The following HEATR5B variants were observed in gnomAD, a reference collection of about 807,000 sequenced individuals.
HEATR5B encodes HEAT repeat containing 5B, also known as HEAT repeat-containing protein 5B.
A neutral mutation model predicts 224.1 loss-of-function variants in HEATR5B; 156 were observed. The ratio of observed to expected loss-of-function variants is 0.70; its 90% CI spans 0.61 to 0.80. The LOEUF (loss-of-function observed/expected upper bound fraction) is 0.80, where lower values mean the gene tolerates loss of function less well. HEATR5B is among the 30% of genes least tolerant of loss of function. The pLI is 0.00. For missense variants in HEATR5B, 2,323 were observed against 2,535.5 expected (o/e 0.92, Z 1.80); for synonymous variants, 1,027 against 893.0 (o/e 1.15, Z -2.68).
In HEATR5B at chr2:37,068,795, G is replaced by A. The variant is rs756860662; in HGVS notation, c.1063C>T (p.Arg355Ter). The A allele has an allele frequency of 9.9e-6, 16 of 1,614,056 alleles. No homozygotes were observed. The highest frequency in any genetic ancestry group is 1.3e-5 in the Non-Finnish European group (15 of 1,179,996). The change falls in exon 8 of 36, where the codon CGA (arginine) becomes TGA (stop). Residue 355 changes from arginine (R) to a stop codon, truncating the protein, a stop_gained. Coordinates refer to ENST00000233099, the MANE Select transcript of HEATR5B (RefSeq NM_019024.3). LOFTEE classifies it high-confidence loss of function. ...GCTCTTAGGATAAAGGAAACACATCGTCTGGAGTACACAGCCTCCACATGT... is the reference window on the plus strand; with the variant it reads ...GCTCTTAGGATAAAGGAAACACATCATCTGGAGTACACAGCCTCCACATGT... ...QTHVEAVYSR[R>*]CVSFILRATV...
intron 18 of HEATR5B, among the ~76,000 whole-genome samples, chr2:37,044,839 T>C (rs187565015): frequency 6.6e-6 from 1 of 152,336 alleles, no homozygotes; most frequent in Admixed American, 6.5e-5. Context: ...TTAATTCCAG[T>C]CCTTTTTCTC....
At chr2:36,995,087 GTTT>G (rs775120824) in intron 33 of HEATR5B, among the ~76,000 whole-genome samples, 1 of 104,128 alleles carries the variant, frequency 9.6e-6, no homozygotes, top group Admixed American at 1.0e-4. Context: ...GTTATTCCTT[GTTT>G]TTTTTTTTTT....
chr2:37,048,655 T>C, intron 18 of HEATR5B, among the ~76,000 whole-genome samples: 1 of 152,200 alleles, frequency 6.6e-6, no homozygotes, highest in East Asian at 1.9e-4. Flanking sequence ...AGCTATTTCA[T>C]AATCAATGGC....
At chr2:37,055,469 A>G (rs1468917163) in intron 16 of HEATR5B, among the ~76,000 whole-genome samples, 1 of 152,206 alleles carries the variant, frequency 6.6e-6, no homozygotes, top group Non-Finnish European at 1.5e-5. Flanking sequence ...AAATGTTGAA[A>G]TAGATGCTTT....
chr2:37,028,760 T>G lies in HEATR5B; in HGVS notation c.3522A>C (p.Gly1174=). The change falls in exon 23 of 36, where the codon GGA becomes GGC. Residue 1174 remains glycine (G), a synonymous_variant. Coordinates refer to ENST00000233099, the MANE Select transcript of HEATR5B (RefSeq NM_019024.3). The part of the protein sequence containing the change: ...KLCSDIHDTL[G]HMLSSLAVEK... ...CTACTGCCAGCGAAGAAAGCATATG[T>G]CCCAAAGTGTCATGAATATCAGAAC... is the stretch of plus-strand genomic sequence containing the variant. The G allele has an allele frequency of 6.2e-7, 1 of 1,614,000 alleles. No homozygotes were observed. Among genetic ancestry groups the G allele is most frequent in the South Asian group, 1.1e-5 (1 of 91,080 alleles).
chr2:37,057,750 T>G (rs1671003248), intron 14 of HEATR5B, among the ~76,000 whole-genome samples: 1 of 152,100 alleles, frequency 6.6e-6, no homozygotes, highest in Admixed American at 6.6e-5. Flanking sequence ...ATAGCATGCT[T>G]GTAGTCCCAG....
Position 36,992,070 on chromosome 2 carries a change from C to T in HEATR5B, c.5546-1271G>A, listed in dbSNP as rs148774485. On this transcript the variant is annotated intron_variant, in intron 33 of 35. Transcript: ENST00000233099. ...AAAATTAGCTGGGCATGGTGGCACA[C>T]GCCTGTAATCCCAGCTATTTGGGAG... Among the ~76,000 whole-genome samples, 124 of 152,106 alleles carry T rather than the reference C, an allele frequency of 8.2e-4. 1 individual carries two copies. In the East Asian group the frequency reaches 0.022, roughly 27 times the overall value.
chr2:37,083,269 A>G lies in HEATR5B; in HGVS notation c.126+20T>C. ...ATCTCTTCACGTTAATGCAACTGGG[A>G]AAAAAGAGCAATACCATACCTTGTT... On this transcript the variant is annotated intron_variant, in intron 2 of 35. Coordinates refer to ENST00000233099, the MANE Select transcript of HEATR5B (RefSeq NM_019024.3). The G allele has an allele frequency of 6.2e-7, 1 of 1,612,988 alleles. No individual in the cohort carries two copies. Among genetic ancestry groups the G allele is most frequent in the Non-Finnish European group, 8.5e-7 (1 of 1,179,104 alleles).
At chr2:37,055,146 G>C (rs768304343) in intron 16 of HEATR5B, 5 of 384,598 alleles carry the variant, frequency 1.3e-5, no homozygotes, top group South Asian at 6.2e-5. Context: ...GAAAACCAAA[G>C]TAGGATCACT....
At chr2:37,035,187 C>T (rs1341059942) in intron 21 of HEATR5B, among the ~76,000 whole-genome samples, 2 of 152,204 alleles carry the variant, frequency 1.3e-5, no homozygotes, top group African/African-American at 2.4e-5. Flanking sequence ...AAACAAACCA[C>T]TTTACAAAGT....
intron 33 of HEATR5B, among the ~76,000 whole-genome samples, chr2:36,994,024 T>C (rs1666520553): frequency 6.6e-6 from 1 of 152,128 alleles, no homozygotes; most frequent in Non-Finnish European, 1.5e-5. Flanking sequence ...TAGTGCCAAA[T>C]TTGGTAATTC....
At chr2:37,068,511 T>G (rs937031103) in intron 8 of HEATR5B, among the ~76,000 whole-genome samples, 170 bp downstream of exon 8, 1 of 152,162 alleles carries the variant, frequency 6.6e-6, no homozygotes, top group East Asian at 1.9e-4. Context: ...TTAAAAACTC[T>G]ATTTCACTGT....
chr2:37,023,121 G>GAA (rs143424995), intron 24 of HEATR5B, among the ~76,000 whole-genome samples: 1 of 151,474 alleles, frequency 6.6e-6, no homozygotes, highest in Non-Finnish European at 1.5e-5. Flanking sequence ...ATGAAAGGTA[G>GAA]AAAAAAATCA....
At position 37,041,127 on chromosome 2, in the gene HEATR5B, T is replaced by C. The variant is rs1669844822; in HGVS notation, c.2856+6A>G. The C allele has an allele frequency of 1.2e-6, 2 of 1,607,436 alleles. No homozygotes were observed. Among genetic ancestry groups the C allele is most frequent in the Non-Finnish European group, 1.7e-6 (2 of 1,177,454 alleles). On this transcript the variant is annotated splice_donor_region_variant and intron_variant, in intron 19 of 35. Transcript: ENST00000233099. Reference sequence around the variant, plus strand: ...TTTTGTAATAAAAAAACCAATTATATTATACCTGGACTTCAGGGGATGTCC... The same window carrying C: ...TTTTGTAATAAAAAAACCAATTATACTATACCTGGACTTCAGGGGATGTCC...
intron 21 of HEATR5B, 106 bp from the exon 22 acceptor site, chr2:37,032,879 GTTTTGT>G: frequency 2.3e-6 from 2 of 856,980 alleles, no homozygotes; most frequent in South Asian, 2.3e-5. Context: ...TATATGTTTT[GTTTTGT>G]TTTTTTTTTT....
chr2:37,017,994 C>A (rs1169680853), intron 26 of HEATR5B, among the ~76,000 whole-genome samples: 1 of 151,946 alleles, frequency 6.6e-6, no homozygotes, highest in Non-Finnish European at 1.5e-5. Context: ...CTAAGAGTTA[C>A]CCTGATTTTA....
chr2:37,052,133 G>A (rs1462074623), intron 17 of HEATR5B, among the ~76,000 whole-genome samples: 1 of 152,184 alleles, frequency 6.6e-6, no homozygotes, highest in Non-Finnish European at 1.5e-5. Context: ...ACATGTTCAT[G>A]CAAACACATA....
intron 24 of HEATR5B, among the ~76,000 whole-genome samples, chr2:37,022,233 G>A (rs1668509744): frequency 6.6e-6 from 1 of 151,728 alleles, no homozygotes; most frequent in South Asian, 2.1e-4. Context: ...CTGGAGTGCA[G>A]TGGTGTGATC....
At chr2:36,989,880 T>C (rs1358085701) in intron 34 of HEATR5B, among the ~76,000 whole-genome samples, 1 of 147,840 alleles carries the variant, frequency 6.8e-6, no homozygotes, top group African/African-American at 2.5e-5. Flanking sequence ...AAGACAGTAC[T>C]GGAATCCAAG....
Sources: gnomAD v4.1 joint callset for allele counts (sites outside exome capture counted in the v4.1 genomes callset) on GRCh38, gnomAD v4.1.1 for gene constraint, MANE v1.5 for transcripts, NCBI Gene and HGNC (gene_info 2026-07-23, HGNC 2026-07-21) for gene names.